Variants in TAF1C observed in about 807,000 individuals in gnomAD.
TAF1C encodes the protein TATA box-binding protein-associated factor RNA polymerase I subunit C.
Under a neutral mutation model 70.5 loss-of-function variants are expected in TAF1C, and 79 were observed. The observed-to-expected ratio is 1.12, with a 90% confidence interval of 0.93 to 1.35. The LOEUF is 1.35. Ranked by LOEUF, TAF1C falls within the 40% of genes most tolerant of loss-of-function variation. The probability of loss-of-function intolerance (pLI) is 0.00; values close to 1 mark genes in which losing one functional copy is unlikely to be tolerated. For synonymous variants in TAF1C, 614 were observed against 491.1 expected (o/e 1.25, Z -3.31); for missense variants, 1,412 against 1,127.8 (o/e 1.25, Z -3.61).
At position 84,180,050 on chromosome 16, in the gene TAF1C, G is replaced by A. The variant is rs1290478585; in HGVS notation, c.1517C>T (p.Pro506Leu). Residue 506 changes from proline to leucine, a missense_variant, in exon 14 of 15, where the codon CCC (proline) becomes CTC (leucine). Transcript: ENST00000566732. ...GATCCTGGAAGGAAGAGACTGGGGG[G>A]GGCCTGCCAGGCGGGGCACCGACGC... ...EGASVPRLAG[P>L]PQSLPSRIDS... The A allele has an allele frequency of 3.7e-6, 6 of 1,606,050 alleles. No individual in the cohort carries two copies. Among genetic ancestry groups the A allele is most frequent in the African/African-American group, 1.3e-5 (1 of 74,754 alleles).
Position 84,178,226 on chromosome 16 carries a change from C to G in TAF1C, c.*715G>C, listed in dbSNP as rs4150182. On this transcript the variant is annotated 3_prime_UTR_variant, in exon 15 of 15. Coordinates refer to ENST00000566732, the MANE Select transcript of TAF1C (RefSeq NM_001243156.2). ...TCCCCCAAACTGACATGACCGTGAC[C>G]CTCTGCTCAGAGGGCACTATCGACA... 9,528 of 416,228 alleles carry G rather than the reference C, an allele frequency of 0.023. 192 individuals are homozygous for G. Among genetic ancestry groups the G allele is most frequent in the Middle Eastern group, 0.081 (231 of 2,866 alleles). 25.8% of individuals were successfully genotyped at this position (416,228 alleles called of 1,614,324 possible).
chr16:84,178,886 C>T lies in TAF1C; in HGVS notation c.*55G>A. On this transcript the variant is annotated 3_prime_UTR_variant, in exon 15 of 15. Transcript: ENST00000566732. The stretch of plus-strand genomic sequence containing the variant: ...TTCAACTGTGGAAGGCACATCTGGT[C>T]CCAGAGGAAGGATGAGGGGCTCTCT... 6.6e-7 allele frequency: 1 copy of T among 1,507,700 alleles called. No homozygotes were observed. The highest frequency in any genetic ancestry group is 8.9e-7 in the Non-Finnish European group (1 of 1,128,716). 93.4% of individuals were successfully genotyped at this position (1,507,700 alleles called of 1,614,324 possible).
At position 84,181,051 on chromosome 16, in the gene TAF1C, A is replaced by T; in HGVS notation, c.1300T>A (p.Cys434Ser). 1 of 1,608,852 alleles carries T rather than the reference A, an allele frequency of 6.2e-7. No homozygotes were observed. Among genetic ancestry groups the T allele is most frequent in the Non-Finnish European group, 8.5e-7 (1 of 1,175,922 alleles). Residue 434 changes from cysteine to serine, a missense_variant, in exon 12 of 15, where the codon TGT becomes AGT. Physicochemically the swap from Cys to Ser is moderately radical, Grantham distance 112 (BLOSUM62 -1). Transcript: ENST00000566732. ...TGTTGTGTGCCACTCACCTGGGTAC[A>T]GACGAGATGAAGAGTAGGGGGGAGG... ...KCLPPTLHLVCTQFSLYLVDE... is the reference protein window; with the variant it reads ...KCLPPTLHLVSTQFSLYLVDE...
chr16:84,182,281 G>GC lies in TAF1C; in HGVS notation c.641dup (p.Ala215ArgfsTer37). The GC allele has an allele frequency of 6.2e-7, 1 of 1,612,966 alleles. No individual in the cohort carries two copies. The highest frequency in any genetic ancestry group is 1.1e-5 in the South Asian group (1 of 91,078). On this transcript the variant is annotated frameshift_variant, in exon 7 of 15. Coordinates refer to ENST00000566732, the MANE Select transcript of TAF1C (RefSeq NM_001243156.2). LOFTEE classifies it high-confidence loss of function. This position sits in a 1 kb window ranked among gnomAD's most constrained non-coding sequence, Gnocchi z 5.0. ...TCCTTCCAGGAACCCAGGCCAGCGC[G>GC]CCCCCAGTGCAGGCCTCATCCAGAA... is the stretch of plus-strand genomic sequence containing the variant.
At position 84,183,493 on chromosome 16, in the gene TAF1C, C is replaced by A; in HGVS notation, c.235G>T (p.Gly79Cys). Reference protein sequence around the residue: ...LPPLIDPWDPGLTARDLLFRG... With the variant: ...LPPLIDPWDPCLTARDLLFRG... ...AAAAGCAGGTCCCGGGCAGTCAGGCCAGGGTCCCAGGGATCTGAGAAGGAG... is the reference window on the plus strand; with the variant it reads ...AAAAGCAGGTCCCGGGCAGTCAGGCAAGGGTCCCAGGGATCTGAGAAGGAG... The change falls in exon 4 of 15, where the codon GGC (glycine) becomes TGC (cysteine). Residue 79 changes from glycine to cysteine, a missense_variant. Transcript: ENST00000566732. 2 of 1,610,364 alleles carry A rather than the reference C, an allele frequency of 1.2e-6. No homozygotes were observed. The highest frequency in any genetic ancestry group is 1.7e-6 in the Non-Finnish European group (2 of 1,178,292).
Position 84,179,151 on chromosome 16 carries a change from C to T in TAF1C, c.2322G>A (p.Pro774=), listed in dbSNP as rs200904220. The change falls in exon 15 of 15, where the codon CCG becomes CCA. Residue 774 remains proline (P), a synonymous_variant. Coordinates refer to ENST00000566732, the MANE Select transcript of TAF1C (RefSeq NM_001243156.2). ...PTTPPSQELT[P]DACAQGVPSE... is the part of the protein sequence containing the mutation. The stretch of plus-strand genomic sequence containing the variant: ...ATGGGACGCCCTGGGCGCATGCATC[C>T]GGAGTCAACTCCTGGGAGGGCGGGG... 950 of 1,603,638 alleles carry T rather than the reference C, an allele frequency of 5.9e-4. 7 individuals are homozygous for T. The East Asian group carries it at 0.016, about 27-fold the overall frequency.
At position 84,179,297 on chromosome 16, in the gene TAF1C, G is replaced by C; in HGVS notation, c.2176C>G (p.Arg726Gly). The C allele has an allele frequency of 5.0e-6, 8 of 1,595,128 alleles. No individual in the cohort carries two copies. The highest frequency in any genetic ancestry group is 6.8e-6 in the Non-Finnish European group (8 of 1,176,668). ...AAGCTGCTGGACAGCTGGGTCCGGC[G>C]CTTGGGCCGCCTGGTCTGTCTCCCG... The part of the protein sequence containing the change: ...EPGRQTRRPK[R>G]RTQLSSSFSL... The change falls in exon 15 of 15, where the codon CGC (arginine) becomes GGC (glycine). Residue 726 changes from arginine to glycine, a missense_variant. Physicochemically the swap from Arg to Gly is moderately radical, Grantham distance 125. Coordinates refer to ENST00000566732, the MANE Select transcript of TAF1C (RefSeq NM_001243156.2).
chr16:84,180,584 G>T, intron 12 of TAF1C: 1 of 589,270 alleles, frequency 1.7e-6, no homozygotes, highest in Non-Finnish European at 2.8e-6. Context: ...GGGGTGCTCA[G>T]AAGAGGTGTG....
Position 84,180,085 on chromosome 16 carries a change from TGAGG to T in TAF1C, c.1484-6_1484-3del, listed in dbSNP as rs756847160. The T allele has an allele frequency of 1.3e-4, 201 of 1,592,228 alleles. No individual in the cohort carries two copies. Among genetic ancestry groups the T allele is most frequent in the Non-Finnish European group, 1.7e-4 (195 of 1,171,156 alleles). On this transcript the variant is annotated splice_polypyrimidine_tract_variant and splice_region_variant and intron_variant, in intron 13 of 14. Coordinates refer to ENST00000566732, the MANE Select transcript of TAF1C (RefSeq NM_001243156.2). ...GGCGGGGCACCGACGCCCCTTCTCC[TGAGG>T]AAGGACAGACAGCTGAGGCCCTGTC...
In TAF1C at chr16:84,179,543, G is replaced by A. The variant is rs756957137; in HGVS notation, c.1930C>T (p.Arg644Trp). ...HRQMLGSTEL[R>W]REEEEGQRLG... ...CGCTGCCCTTCCTCTTCCTCCCTCC[G>A]CAGCTCTGTGCTGCCCAGCATCTGG... Residue 644 changes from arginine (R) to tryptophan (W), a missense_variant, in exon 15 of 15, where the codon CGG (arginine) becomes TGG (tryptophan). Physicochemically the swap from Arg to Trp is moderately radical, Grantham distance 101. Transcript: ENST00000566732. 27 of 1,610,586 alleles carry A rather than the reference G, an allele frequency of 1.7e-5. No homozygotes were observed. The highest frequency in any genetic ancestry group is 1.6e-4 in the African/African-American group (12 of 74,882).
At chr16:84,186,268 C>T (rs2089483416) in intron 1 of TAF1C, among the ~76,000 whole-genome samples, 1 of 152,064 alleles carries the variant, frequency 6.6e-6, no homozygotes, top group South Asian at 2.1e-4. Context: ...AATCTTTTCC[C>T]TTTGGCCGGG....
At position 84,182,573 on chromosome 16, in the gene TAF1C, T is replaced by C. The variant is rs918334727; in HGVS notation, c.483-133A>G. 4 of 832,808 alleles carry C rather than the reference T, an allele frequency of 4.8e-6. No individual in the cohort carries two copies. The highest frequency in any genetic ancestry group is 2.8e-5 in the Admixed American group (1 of 35,932). 51.6% of individuals were successfully genotyped at this position (832,808 alleles called of 1,614,324 possible). A position where few individuals can be genotyped will look rare whatever the true frequency, so the allele number is the denominator to read the frequency against. On this transcript the variant is annotated intron_variant, in intron 6 of 14. Transcript: ENST00000566732. This position sits in a 1 kb window ranked among gnomAD's most constrained non-coding sequence, Gnocchi z 5.0. ...TTTCTTCCTTTGGGAGACCACCCCA[T>C]CCTGTTCCCATGCCCCGGAAGCAAT...
chr16:84,180,312 G>A lies in TAF1C; in HGVS notation c.1341C>T (p.Pro447=). The A allele has an allele frequency of 6.5e-7, 1 of 1,547,382 alleles. No homozygotes were observed. Among genetic ancestry groups the A allele is most frequent in the Non-Finnish European group, 8.7e-7 (1 of 1,147,588 alleles). ...GGTTCCACTTCAGCATCGGCACCAG[G>A]GGAAGGCGCTCGTCCACTAGGTAGA... ...FSLYLVDERL[P]LVPMLKWNHG... The change falls in exon 13 of 15, where the codon CCC becomes CCT. Residue 447 remains proline, a synonymous_variant. Coordinates refer to ENST00000566732, the MANE Select transcript of TAF1C (RefSeq NM_001243156.2).
intron 12 of TAF1C, chr16:84,180,704 G>T: frequency 1.1e-6 from 1 of 939,828 alleles, no homozygotes; most frequent in Non-Finnish European, 1.4e-6. Flanking sequence ...GGGAGGGCGG[G>T]TGGAGGACAG....
chr16:84,183,795 C>A lies in TAF1C; in HGVS notation c.139-17G>T, dbSNP rs536150276. ...TGCCCCATTCTGAAGGGAGGACAAT[C>A]GCAAGGACAGTATCATGATGAATGC... On this transcript the variant is annotated splice_polypyrimidine_tract_variant and intron_variant, in intron 2 of 14. Transcript: ENST00000566732. 11 of 1,599,860 alleles carry A rather than the reference C, an allele frequency of 6.9e-6. No homozygotes were observed. The highest frequency in any genetic ancestry group is 1.7e-5 in the Admixed American group (1 of 59,324).
chr16:84,183,050 C>T, intron 6 of TAF1C, 26 bp downstream of exon 6: 1 of 1,613,294 alleles, frequency 6.2e-7, no homozygotes, highest in Non-Finnish European at 8.5e-7. Context: ...GCCTATCCAT[C>T]TCCTCCTTTC....
rs372046004 is a variant in TAF1C, at chr16:84,179,446, G to T, written c.2027C>A (p.Ala676Glu). The T allele has an allele frequency of 6.3e-7, 1 of 1,596,880 alleles. No homozygotes were observed. The highest frequency in any genetic ancestry group is 1.7e-5 in the Admixed American group (1 of 59,816). Reference protein sequence around the residue: ...LLQRDLGSLPAAEPPPAPESG... With the variant: ...LLQRDLGSLPEAEPPPAPESG... Reference sequence around the variant, plus strand: ...CTCGGGTGCAGGGGGTGGCTCTGCCGCAGGGAGGGAGCCCAGGTCTCTCTG... The same window carrying T: ...CTCGGGTGCAGGGGGTGGCTCTGCCTCAGGGAGGGAGCCCAGGTCTCTCTG... The change falls in exon 15 of 15, where the codon GCG becomes GAG. Residue 676 changes from alanine (A) to glutamate (E), a missense_variant. By Grantham distance (107) the Ala-to-Glu change is moderately radical. Transcript: ENST00000566732.
At position 84,180,906 on chromosome 16, in the gene TAF1C, CCA is replaced by C. The variant is rs1026666074; in HGVS notation, c.1308+135_1308+136del. On this transcript the variant is annotated intron_variant, in intron 12 of 14. Transcript: ENST00000566732. Reference sequence around the variant, plus strand: ...CTGTGGGATCCACTGCGTGTTTGGGCCACAGATTCATCCAGGGTTGAGTTTGG... The same window carrying C: ...CTGTGGGATCCACTGCGTGTTTGGGCCAGATTCATCCAGGGTTGAGTTTGG... 1.0e-5 allele frequency: 15 copies of C among 1,439,374 alleles called. No individual in the cohort carries two copies. The African/African-American group carries it at 2.0e-4, about 19-fold the overall frequency. 89.2% of individuals were successfully genotyped at this position (1,439,374 alleles called of 1,614,324 possible). A position where few individuals can be genotyped will look rare whatever the true frequency, so the allele number is the denominator to read the frequency against.
intron 2 of TAF1C, among the ~76,000 whole-genome samples, chr16:84,184,032 C>G (rs2089348086): frequency 6.6e-6 from 1 of 152,236 alleles, no homozygotes; most frequent in African/African-American, 2.4e-5. Flanking sequence ...TGTTTCCGAC[C>G]TCCACCTGTG....
Sources: allele counts gnomAD v4.1 joint callset (sites outside exome capture counted in the v4.1 genomes callset), GRCh38; gene constraint gnomAD v4.1.1; non-coding constraint Gnocchi (gnomAD v3.1); transcripts MANE v1.5; gene names NCBI Gene and HGNC (gene_info 2026-07-23, HGNC 2026-07-21).